Variants in NLE1 observed in about 807,000 individuals in gnomAD.
NLE1 encodes notchless protein homolog 1.
A neutral mutation model predicts 62.8 loss-of-function variants in NLE1; 37 were observed. That is an observed-to-expected ratio of 0.59 (90% CI 0.45 to 0.78). The LOEUF (loss-of-function observed/expected upper bound fraction) is 0.78. Among genes scored for constraint, NLE1 ranks in the 30% least tolerant of loss-of-function variants. The pLI, the probability that NLE1 is intolerant of heterozygous loss-of-function variation, is 0.00. For missense variants in NLE1, 555 were observed against 637.9 expected (o/e 0.87, Z 1.40); for synonymous variants, 243 against 253.0 (o/e 0.96, Z 0.37).
intron 2 of NLE1, among the ~76,000 whole-genome samples, chr17:35,140,330 G>A (rs1042604107): frequency 5.3e-5 from 8 of 152,184 alleles, no homozygotes; most frequent in Non-Finnish European, 1.0e-4. Context: ...CTGGGTTCAA[G>A]AGATTCTCCT....
chr17:35,137,757 C>T, intron 5 of NLE1, 57 bp downstream of exon 5: 1 of 811,046 alleles, frequency 1.2e-6, no homozygotes, highest in African/African-American at 1.8e-5. Context: ...TGATTCTGAA[C>T]TGTCTCCTAG....
Position 35,139,856 on chromosome 17 carries a change from T to C in NLE1, c.373A>G (p.Thr125Ala), listed in dbSNP as rs1285847477. 1.2e-6 allele frequency: 2 copies of C among 1,612,582 alleles called. No individual in the cohort carries two copies. Among genetic ancestry groups the C allele is most frequent in the East Asian group, 4.5e-5 (2 of 44,898 alleles). Residue 125 changes from threonine to alanine, a missense_variant, in exon 3 of 13, where the codon ACG (threonine) becomes GCG (alanine). Thr to Ala is a moderately conservative substitution (Grantham distance 58). Coordinates refer to ENST00000442241, the MANE Select transcript of NLE1 (RefSeq NM_018096.5). ...EAVISVAFSPTGKYLASGSGD... is the reference protein window; with the variant it reads ...EAVISVAFSPAGKYLASGSGD... ...GTCTGCAGCTGTCCTTACTTTCCCG[T>C]AGGGCTGAAGGCCACAGAAATGACT... is the stretch of plus-strand genomic sequence containing the variant.
At position 35,130,499 on chromosome 17, in the gene NLE1, A is replaced by G; in HGVS notation, c.*1938T>C. 1 of 1,535,498 alleles carries G rather than the reference A, an allele frequency of 6.5e-7. No individual in the cohort carries two copies. The highest frequency in any genetic ancestry group is 8.9e-7 in the Non-Finnish European group (1 of 1,127,556). ...TCAACCCCAGGCCCTCAGAAACCAG[A>G]GCCATGAGACCTACCATACCACCAG... On this transcript the variant is annotated 3_prime_UTR_variant, in exon 13 of 13. Coordinates refer to ENST00000442241, the MANE Select transcript of NLE1 (RefSeq NM_018096.5).
In NLE1 at chr17:35,128,882, TG is replaced by T; in HGVS notation, c.*3554del. On this transcript the variant is annotated 3_prime_UTR_variant, in exon 13 of 13. Transcript: ENST00000442241. ...TTTCCTGCAACGAGAGGGTCCCATTTGGGGGTGATGGGAGACAATGACAGAT... is the reference window on the plus strand; with the variant it reads ...TTTCCTGCAACGAGAGGGTCCCATTTGGGGTGATGGGAGACAATGACAGAT... The T allele has an allele frequency of 5.8e-6, 1 of 172,560 alleles. No individual in the cohort carries two copies. Among genetic ancestry groups the T allele is most frequent in the Non-Finnish European group, 1.2e-5 (1 of 83,186 alleles). The allele number at this position is 172,560 out of a possible 1,614,324, so 10.7% of individuals were successfully genotyped here. A position where few individuals can be genotyped will look rare whatever the true frequency, so the allele number is the denominator to read the frequency against.
rs2091868269 is a variant in NLE1, at chr17:35,130,219, C to G, written c.*2218G>C. On this transcript the variant is annotated 3_prime_UTR_variant, in exon 13 of 13. Coordinates refer to ENST00000442241, the MANE Select transcript of NLE1 (RefSeq NM_018096.5). ...ACAGAAAAAAAAGGGGTGATAGAGA[C>G]AGAGAGAGAGCCAGGTTCAGATCTG... 4 of 1,579,394 alleles carry G rather than the reference C, an allele frequency of 2.5e-6. No homozygotes were observed. Among genetic ancestry groups the G allele is most frequent in the Admixed American group, 1.8e-5 (1 of 55,146 alleles).
rs2091863126 is a variant in NLE1, at chr17:35,129,467, C to G, written c.*2970G>C. On this transcript the variant is annotated 3_prime_UTR_variant, in exon 13 of 13. Coordinates refer to ENST00000442241, the MANE Select transcript of NLE1 (RefSeq NM_018096.5). ...GGGCAAGCAGCCGGTCAGTTTCTAC[C>G]AGCTCCTGTTACAGGAGGTGGCCAA... 1.2e-6 allele frequency: 2 copies of G among 1,614,068 alleles called. No homozygotes were observed. Among genetic ancestry groups the G allele is most frequent in the African/African-American group, 2.7e-5 (2 of 74,920 alleles).
At chr17:35,137,706 C>A in intron 5 of NLE1, 66 bp from the exon 6 acceptor site, 1 of 1,480,484 alleles carries the variant, frequency 6.8e-7, no homozygotes, top group Non-Finnish European at 9.4e-7. Flanking sequence ...AAATCCCTGC[C>A]TACCACTTCC....
intron 2 of NLE1, among the ~76,000 whole-genome samples, chr17:35,141,294 T>A (rs2091942089): frequency 6.6e-6 from 1 of 151,240 alleles, no homozygotes; most frequent in South Asian, 2.1e-4. Context: ...ACGCCAGTAA[T>A]CCCCAGCACT....
intron 7 of NLE1, 143 bp downstream of exon 7, chr17:35,136,858 A>C: frequency 1.2e-6 from 1 of 816,674 alleles, no homozygotes; most frequent in Non-Finnish European, 2.0e-6. Context: ...AGAACTCCTC[A>C]TTCCCAAAAC....
At chr17:35,134,977 A>G in intron 10 of NLE1, 1 of 530,024 alleles carries the variant, frequency 1.9e-6, no homozygotes, top group Non-Finnish European at 3.6e-6. Context: ...ACTTGAACCC[A>G]GGAAGCAGAG....
chr17:35,135,585 G>C, intron 9 of NLE1, 134 bp from the exon 10 acceptor site: 1 of 745,704 alleles, frequency 1.3e-6, no homozygotes, highest in Non-Finnish European at 2.2e-6. Context: ...GGAGCAATGA[G>C]GACTGGCTTG....
At chr17:35,139,025 A>C (rs535633404) in intron 4 of NLE1, among the ~76,000 whole-genome samples, 1 of 152,234 alleles carries the variant, frequency 6.6e-6, no homozygotes, top group Non-Finnish European at 1.5e-5. Flanking sequence ...TATGAAAACA[A>C]AAAACGAGCC....
In NLE1 at chr17:35,129,185, A is replaced by G; in HGVS notation, c.*3252T>C. 4 of 505,960 alleles carry G rather than the reference A, an allele frequency of 7.9e-6. 1 individual carries two copies. The highest frequency in any genetic ancestry group is 1.4e-5 in the Non-Finnish European group (4 of 280,492). The allele number at this position is 505,960 out of a possible 1,614,324, so 31.3% of individuals were successfully genotyped here. On this transcript the variant is annotated 3_prime_UTR_variant, in exon 13 of 13. Transcript: ENST00000442241. ...GGGTTGAGGACCCCTGGCGTATAAG[A>G]AATATGGAATGAGGGTGTACCCTAA...
rs746683874 is a variant in NLE1, at chr17:35,130,322, A to G, written c.*2115T>C. 1 of 1,614,082 alleles carries G rather than the reference A, an allele frequency of 6.2e-7. No individual in the cohort carries two copies. The highest frequency in any genetic ancestry group is 2.2e-5 in the East Asian group (1 of 44,882). ...ACTGACTTCAGCAGCTTTCCTGAGA[A>G]CTACCCCATCCAGATCACCGTGCGG... On this transcript the variant is annotated 3_prime_UTR_variant, in exon 13 of 13. Coordinates refer to ENST00000442241, the MANE Select transcript of NLE1 (RefSeq NM_018096.5).
At position 35,137,583 on chromosome 17, in the gene NLE1, T is replaced by C; in HGVS notation, c.595A>G (p.Ser199Gly). ...KQVGRTLAGH[S>G]KWITGLSWEP... ...CAGCTCAGGCCTGTGATCCACTTGC[T>C]GTGGCCAGCGAGGGTCCTGCCCACC... Residue 199 changes from serine to glycine, a missense_variant, in exon 6 of 13, where the codon AGC becomes GGC. Physicochemically the swap from Ser to Gly is moderately conservative, Grantham distance 56 (BLOSUM62 0). Transcript: ENST00000442241. 1 of 1,610,718 alleles carries C rather than the reference T, an allele frequency of 6.2e-7. No homozygotes were observed. The highest frequency in any genetic ancestry group is 8.5e-7 in the Non-Finnish European group (1 of 1,179,990).
intron 4 of NLE1, among the ~76,000 whole-genome samples, chr17:35,138,669 C>T (rs1213393460): frequency 6.6e-6 from 1 of 152,334 alleles, no homozygotes; most frequent in East Asian, 1.9e-4. Flanking sequence ...GTCTCAAACT[C>T]CTGACCTCAA....
chr17:35,140,735 C>T (rs929639475), intron 2 of NLE1, among the ~76,000 whole-genome samples: 9 of 152,116 alleles, frequency 5.9e-5, no homozygotes, highest in African/African-American at 1.4e-4. Context: ...GGACTACAGG[C>T]GCCTGCCACC....
At position 35,136,993 on chromosome 17, in the gene NLE1, G is replaced by A. The variant is rs2142505753; in HGVS notation, c.828+8C>T. The A allele has an allele frequency of 2.5e-6, 4 of 1,588,484 alleles. No individual in the cohort carries two copies. Among genetic ancestry groups the A allele is most frequent in the Non-Finnish European group, 3.4e-6 (4 of 1,161,074 alleles). On this transcript the variant is annotated splice_region_variant and intron_variant, in intron 7 of 12. Coordinates refer to ENST00000442241, the MANE Select transcript of NLE1 (RefSeq NM_018096.5). ...CTGGACTGGTTTCTGAACCCTCCCA[G>A]CACTTACGTCATGAGCTCTCCAGAC...
At chr17:35,132,658 G>A (rs1305348409) in intron 12 of NLE1, among the ~76,000 whole-genome samples, 4 of 152,022 alleles carry the variant, frequency 2.6e-5, no homozygotes, top group East Asian at 1.9e-4. Flanking sequence ...CCTGGCCCTC[G>A]GGATGCCCAC....
Sources: gnomAD v4.1 joint callset for allele counts (sites outside exome capture counted in the v4.1 genomes callset) on GRCh38, gnomAD v4.1.1 for gene constraint, MANE v1.5 for transcripts, NCBI Gene and HGNC (gene_info 2026-07-23, HGNC 2026-07-21) for gene names.